The following NAALADL2 variants were observed in gnomAD, a reference collection of about 807,000 sequenced individuals.
NAALADL2 encodes the protein N-acetylated alpha-linked acidic dipeptidase like 2, also known as inactive N-acetylated-alpha-linked acidic dipeptidase-like protein 2.
A neutral mutation model predicts 87.2 loss-of-function variants in NAALADL2; 76 were observed. The observed-to-expected ratio is 0.87, with a 90% CI of 0.72 to 1.05. NAALADL2 has a LOEUF of 1.05. NAALADL2 is among the 50% of genes least tolerant of loss of function. The probability of loss-of-function intolerance (pLI) is 0.00; values close to 1 mark genes in which losing one functional copy is unlikely to be tolerated. For synonymous variants in NAALADL2, 354 were observed against 331.0 expected (o/e 1.07, Z -0.75); for missense variants, 1,089 against 945.8 (o/e 1.15, Z -1.99).
intron 11 of NAALADL2, among the ~76,000 whole-genome samples, chr3:175,642,769 G>T (rs768620787): frequency 2.0e-5 from 3 of 152,104 alleles, no homozygotes; most frequent in Non-Finnish European, 4.4e-5. Context: ...CAAAGTGCTG[G>T]GATTACAGGT....
At chr3:175,454,957 G>C (rs1722107063) in intron 6 of NAALADL2, among the ~76,000 whole-genome samples, 1 of 152,120 alleles carries the variant, frequency 6.6e-6, no homozygotes, top group African/African-American at 2.4e-5. Context: ...TGCACATGGT[G>C]TGGACAGGTA....
At chr3:175,608,099 C>T (rs1172086587) in intron 10 of NAALADL2, among the ~76,000 whole-genome samples, 6 of 151,258 alleles carry the variant, frequency 4.0e-5, no homozygotes, top group African/African-American at 1.5e-4. Flanking sequence ...TGTGGCCACT[C>T]AAATATCATG....
At chr3:175,742,729 C>T (rs1342513372) in intron 12 of NAALADL2, among the ~76,000 whole-genome samples, 1 of 151,860 alleles carries the variant, frequency 6.6e-6, no homozygotes, top group Non-Finnish European at 1.5e-5. Context: ...GACACAGGAG[C>T]CTTCAGAAAT....
chr3:175,677,375 T>G (rs1734941727), intron 11 of NAALADL2, among the ~76,000 whole-genome samples: 1 of 151,572 alleles, frequency 6.6e-6, no homozygotes, highest in Non-Finnish European at 1.5e-5. Context: ...AAAAAATAAA[T>G]AAAAATAACA....
chr3:174,959,307 T>C (rs1251537934), intron 1 of NAALADL2, among the ~76,000 whole-genome samples: 1 of 151,944 alleles, frequency 6.6e-6, no homozygotes, highest in African/African-American at 2.4e-5. Context: ...AACCTGAAAA[T>C]AGGAATTGTT....
chr3:174,554,671 ATTG>A (rs879261841), intron 2 of NAALADL2, among the ~76,000 whole-genome samples: 18 of 152,302 alleles, frequency 1.2e-4, no homozygotes, highest in African/African-American at 2.6e-4. Context: ...GTTTTAAAGT[ATTG>A]TTGTACTTTT....
rs114455759 is a variant in NAALADL2 at position 175,058,115 on chromosome 3, C to G, written c.44-38675C>G. 8.5e-3 allele frequency among the ~76,000 whole-genome samples: 1,295 copies of G among 152,080 alleles called. 19 individuals are homozygous for G. The highest frequency in any genetic ancestry group is 0.028 in the African/African-American group (1,141 of 41,488). ...ATGACAATTTGGTAAACTTCTATTA[C>G]GAGAAAAATGCTTCTCAACTGAATG... On this transcript the variant is annotated intron_variant, in intron 1 of 13. Transcript: ENST00000454872.
chr3:175,740,444 T>C (rs941089881), intron 12 of NAALADL2, among the ~76,000 whole-genome samples: 2 of 152,194 alleles, frequency 1.3e-5, no homozygotes, highest in Non-Finnish European at 1.5e-5. Context: ...AAAATGAGGC[T>C]GGGACTTGCT....
chr3:175,156,974 C>T (rs943865555), intron 2 of NAALADL2, among the ~76,000 whole-genome samples: 7 of 152,052 alleles, frequency 4.6e-5, no homozygotes, highest in African/African-American at 1.2e-4. Flanking sequence ...CCACTGCCAC[C>T]GAGTCACATT....
At chr3:174,604,428 C>A (rs1718773466) in intron 2 of NAALADL2, among the ~76,000 whole-genome samples, 1 of 151,826 alleles carries the variant, frequency 6.6e-6, no homozygotes, top group Non-Finnish European at 1.5e-5. Context: ...CTTTTTCCAT[C>A]CCTCTATTTT....
intron 1 of NAALADL2, among the ~76,000 whole-genome samples, chr3:174,868,826 T>C (rs1727461550): frequency 6.6e-6 from 1 of 151,996 alleles, no homozygotes; most frequent in Non-Finnish European, 1.5e-5. Context: ...AATTGAAAAA[T>C]TGAGACTAGA....
At chr3:175,102,128 G>A (rs150886836) in intron 2 of NAALADL2, among the ~76,000 whole-genome samples, 2 of 152,180 alleles carry the variant, frequency 1.3e-5, no homozygotes, top group Non-Finnish European at 2.9e-5. Context: ...AATACTGCCT[G>A]GTATTCCATT....
At chr3:174,859,471 A>T (rs1379084285) in intron 1 of NAALADL2, 21 bp downstream of exon 1, 1 of 1,599,700 alleles carries the variant, frequency 6.3e-7, no homozygotes, top group South Asian at 1.1e-5. Flanking sequence ...ACAGCCTATG[A>T]ACTTTTCACT....
intron 2 of NAALADL2, among the ~76,000 whole-genome samples, chr3:174,609,249 G>A (rs982477235): frequency 6.6e-6 from 1 of 152,078 alleles, no homozygotes; most frequent in African/African-American, 2.4e-5. Flanking sequence ...TTTGAAAACT[G>A]GCACAAGACA....
intron 3 of NAALADL2, among the ~76,000 whole-genome samples, chr3:174,787,629 C>G (rs1716968123): frequency 3.0e-5 from 1 of 33,200 alleles, no homozygotes; most frequent in African/African-American, 1.0e-4. Context: ...ATAGTAGTGA[C>G]TCTCCCATTT....
intron 3 of NAALADL2, among the ~76,000 whole-genome samples, chr3:174,747,621 C>CAAAAAAAAAAAAAAAAAA (rs150843588): frequency 2.6e-5 from 1 of 38,660 alleles, no homozygotes; most frequent in Non-Finnish European, 4.3e-5. Flanking sequence ...GACCCCATCT[C>CAAAAAAAAAAAAAAAAAA]AAAAAAAAAA....
intron 5 of NAALADL2, among the ~76,000 whole-genome samples, chr3:175,343,664 T>TGTTTTTG (rs58158886): frequency 1.4e-5 from 2 of 140,104 alleles, no homozygotes; most frequent in African/African-American, 5.3e-5. Flanking sequence ...TGTTTTTTTT[T>TGTTTTTG]TTTTTTTTTT....
At chr3:175,191,939 G>A (rs1220284053) in intron 2 of NAALADL2, among the ~76,000 whole-genome samples, 1 of 152,068 alleles carries the variant, frequency 6.6e-6, no homozygotes, top group Non-Finnish European at 1.5e-5. Context: ...TGTATAATCA[G>A]TGATCTCCCA....
chr3:174,514,629 A>G (rs773484061), intron 1 of NAALADL2, among the ~76,000 whole-genome samples: 3 of 152,068 alleles, frequency 2.0e-5, no homozygotes, highest in Non-Finnish European at 4.4e-5. Context: ...TGTAGATCCT[A>G]TTTCACATTT....
Sources: gnomAD v4.1 joint callset for allele counts (sites outside exome capture counted in the v4.1 genomes callset) on GRCh38, gnomAD v4.1.1 for gene constraint, MANE v1.5 for transcripts, NCBI Gene and HGNC (gene_info 2026-07-23, HGNC 2026-07-21) for gene names.